TTLL6: variants seen among roughly 807,000 people sequenced by gnomAD.
TTLL6 encodes the protein tubulin tyrosine ligase like 6.
A neutral mutation model predicts 96.4 loss-of-function variants in TTLL6; 75 were observed. That is an observed-to-expected ratio of 0.78 (90% CI 0.65 to 0.94). The LOEUF (loss-of-function observed/expected upper bound fraction) is 0.94. Ranked by LOEUF, TTLL6 falls within the 40% of genes least tolerant of loss-of-function variation. The pLI is 0.00. For missense variants in TTLL6, 1,030 were observed against 1,093.0 expected (o/e 0.94, Z 0.81); for synonymous variants, 411 against 419.4 (o/e 0.98, Z 0.24).
Position 48,804,860 on chromosome 17 carries a change from C to A in TTLL6, c.235G>T (p.Ala79Ser), listed in dbSNP as rs866808413. 4 of 1,552,328 alleles carry A rather than the reference C, an allele frequency of 2.6e-6. No homozygotes were observed. Among genetic ancestry groups the A allele is most frequent in the Middle Eastern group, 1.7e-4 (1 of 5,996 alleles). Residue 79 changes from alanine (A) to serine (S), a missense_variant, in exon 2 of 16, where the codon GCG becomes TCG. Ala to Ser is a moderately conservative substitution (Grantham distance 99). Coordinates refer to ENST00000393382, the MANE Select transcript of TTLL6 (RefSeq NM_001130918.3). The stretch of plus-strand genomic sequence containing the variant: ...GGGTTCTCTCTCACAAAAGCCAGCG[C>A]GACGGTTTCTTTTGGATCTTCTTTG... ...SSKEDPKETV[A>S]LAFVRENPGA...
chr17:48,774,738 CT>C (rs1193130868), intron 13 of TTLL6, among the ~76,000 whole-genome samples: 1 of 152,044 alleles, frequency 6.6e-6, no homozygotes, highest in Non-Finnish European at 1.5e-5. Context: ...CTTATATCTA[CT>C]TTTTTTAAAT....
chr17:48,793,619 G>A (rs2039266561), intron 8 of TTLL6, among the ~76,000 whole-genome samples: 3 of 151,442 alleles, frequency 2.0e-5, no homozygotes, highest in Non-Finnish European at 4.4e-5. Context: ...AAAAAAGACA[G>A]TGCCCTGTCC....
At position 48,769,882 on chromosome 17, in the gene TTLL6, G is replaced by A; in HGVS notation, c.2256C>T (p.Phe752=). 6.2e-7 allele frequency: 1 copy of A among 1,614,228 alleles called. No individual in the cohort carries two copies. Among genetic ancestry groups the A allele is most frequent in the Non-Finnish European group, 8.5e-7 (1 of 1,180,038 alleles). ...TCCAGTTTGTGTTCGGACTCTCCCA[G>A]AAGCTCTTGGATTTTGTGGGCAGAA... ...KSFLPTKSKS[F]WESPNTNWTL... The change falls in exon 14 of 16, where the codon TTC becomes TTT. Residue 752 remains phenylalanine (F), a synonymous_variant. Transcript: ENST00000393382.
intron 8 of TTLL6, among the ~76,000 whole-genome samples, chr17:48,795,057 G>T (rs1322490331): frequency 2.0e-5 from 3 of 152,202 alleles, no homozygotes; most frequent in Admixed American, 6.5e-5. Context: ...GCCGGGCGCG[G>T]TGGCTCACGC....
At position 48,799,769 on chromosome 17, in the gene TTLL6, G is replaced by A. The variant is rs1567731988; in HGVS notation, c.612-9C>T. On this transcript the variant is annotated splice_polypyrimidine_tract_variant and intron_variant, in intron 5 of 15. Transcript: ENST00000393382. ...TCTGCAAATCTCCCCAGCTACCAGA[G>A]CAGGGAGGGAACAAGATACATCTTT... The A allele has an allele frequency of 3.2e-6, 5 of 1,551,058 alleles. No individual in the cohort carries two copies. Among genetic ancestry groups the A allele is most frequent in the Non-Finnish European group, 4.4e-6 (5 of 1,146,580 alleles).
intron 1 of TTLL6, among the ~76,000 whole-genome samples, chr17:48,805,761 T>C (rs1179196245): frequency 1.3e-5 from 2 of 152,016 alleles, no homozygotes; most frequent in Non-Finnish European, 2.9e-5. Flanking sequence ...TCATTTGAGG[T>C]CAGACGTTTG....
chr17:48,786,811 T>A (rs1028712225), intron 11 of TTLL6, among the ~76,000 whole-genome samples: 3 of 150,750 alleles, frequency 2.0e-5, no homozygotes, highest in Non-Finnish European at 2.9e-5. Context: ...ACAGGGGAGT[T>A]CTGGTCCCTC....
Position 48,802,049 on chromosome 17 carries a change from A to C in TTLL6, c.362-406T>G, listed in dbSNP as rs2039425883. Among the ~76,000 whole-genome samples the C allele has an allele frequency of 2.0e-5, 3 of 149,872 alleles. No homozygotes were observed. In the South Asian group the frequency reaches 6.3e-4, roughly 32 times the overall value. ...AACAGGAGACCCTGTCAAAAAAAAA[A>C]GAAAGAAAGAAAAGAAAAGAAAGAA... is the stretch of plus-strand genomic sequence containing the variant. On this transcript the variant is annotated intron_variant, in intron 3 of 15. Transcript: ENST00000393382.
intron 13 of TTLL6, among the ~76,000 whole-genome samples, chr17:48,774,236 T>TTTTG (rs1567717114): frequency 2.8e-5 from 2 of 72,082 alleles, no homozygotes; most frequent in Non-Finnish European, 3.3e-5. Flanking sequence ...GTTTGTTGTT[T>TTTTG]TTTTTTTTTT....
intron 5 of TTLL6, chr17:48,800,304 A>G (rs1364368972): frequency 6.6e-6 from 1 of 152,652 alleles, no homozygotes; most frequent in Non-Finnish European, 1.5e-5. Flanking sequence ...AGTATGGGAG[A>G]GCAAATCATA....
chr17:48,811,943 C>T (rs1019430958), intron 1 of TTLL6, among the ~76,000 whole-genome samples: 4 of 152,096 alleles, frequency 2.6e-5, no homozygotes, highest in South Asian at 2.1e-4. Context: ...TCAGGTGATC[C>T]GCCCACCTCG....
At chr17:48,787,065 G>A (rs530442826) in intron 11 of TTLL6, among the ~76,000 whole-genome samples, 54 of 152,068 alleles carry the variant, frequency 3.6e-4, no homozygotes, top group African/African-American at 9.6e-4. Flanking sequence ...TCCTGACCTC[G>A]TGATCCACCT....
chr17:48,803,451 AC>A (rs1299313060), intron 3 of TTLL6, among the ~76,000 whole-genome samples: 2 of 150,966 alleles, frequency 1.3e-5, no homozygotes, highest in African/African-American at 4.9e-5. Context: ...AGCTGAGATC[AC>A]GCCACTGCAC....
chr17:48,783,932 T>C (rs895641813), intron 13 of TTLL6, among the ~76,000 whole-genome samples: 8 of 152,208 alleles, frequency 5.3e-5, no homozygotes, highest in Non-Finnish European at 1.0e-4. Flanking sequence ...TGAGAAATAC[T>C]GTTTAGGCTG....
At chr17:48,763,089 CTT>C (rs1285945970) in intron 15 of TTLL6, 116 bp from the exon 16 acceptor site, 1 of 363,122 alleles carries the variant, frequency 2.8e-6, no homozygotes, top group East Asian at 7.6e-5. Flanking sequence ...GCTTAGGTGA[CTT>C]ATATCTGTAG....
chr17:48,810,825 G>GCATATA (rs1555569645), intron 1 of TTLL6, among the ~76,000 whole-genome samples: 3 of 84,354 alleles, frequency 3.6e-5, no homozygotes, highest in Non-Finnish European at 7.5e-5. Context: ...GTATGTGTGT[G>GCATATA]TATATATATA....
chr17:48,815,462 T>A (rs1044824430), intron 1 of TTLL6: 10 of 152,246 alleles, frequency 6.6e-5, no homozygotes, highest in African/African-American at 2.4e-4. Context: ...TGGATCTTGC[T>A]TTCAGCTTTG....
At chr17:48,800,881 C>A (rs2039397900) in intron 5 of TTLL6, among the ~76,000 whole-genome samples, 1 of 152,182 alleles carries the variant, frequency 6.6e-6, no homozygotes, top group Admixed American at 6.6e-5. Flanking sequence ...TCCCTCCCTG[C>A]TCCTAACCGG....
At chr17:48,812,380 G>A (rs1417855109) in intron 1 of TTLL6, 1 of 152,210 alleles carries the variant, frequency 6.6e-6, no homozygotes, top group Non-Finnish European at 1.5e-5. Context: ...CACTTATTAA[G>A]AGGCAGCTGC....
Sources: gnomAD v4.1 joint callset for allele counts (sites outside exome capture counted in the v4.1 genomes callset) on GRCh38, gnomAD v4.1.1 for gene constraint, MANE v1.5 for transcripts, NCBI Gene and HGNC (gene_info 2026-07-23, HGNC 2026-07-21) for gene names.